Variants in TADA2B observed in about 807,000 individuals in gnomAD.
TADA2B encodes the protein transcriptional adapter 2-beta.
A neutral mutation model predicts 34.5 loss-of-function variants in TADA2B; 13 were observed. The ratio of observed to expected loss-of-function variants is 0.38; its 90% CI spans 0.25 to 0.60. The LOEUF (loss-of-function observed/expected upper bound fraction) is 0.60, where lower values mean the gene tolerates loss of function less well. Among genes scored for constraint, TADA2B ranks in the 20% least tolerant of loss-of-function variants. TADA2B has a pLI of 0.65. For missense variants in TADA2B, 442 were observed against 575.0 expected, an observed-to-expected ratio of 0.77 and a Z score of 2.37; for synonymous variants, 240 against 243.4, an observed-to-expected ratio of 0.99 and a Z score of 0.13.
chr4:7,044,475 C>T (rs1323675572), intron 1 of TADA2B, among the ~76,000 whole-genome samples: 6 of 152,158 alleles, frequency 3.9e-5, no homozygotes, highest in Admixed American at 2.6e-4. Context: ...GGGTTTTGCT[C>T]TCTTTACCTT....
At chr4:7,046,634 G>A (rs1171419809) in intron 1 of TADA2B, among the ~76,000 whole-genome samples, 2 of 152,216 alleles carry the variant, frequency 1.3e-5, no homozygotes, top group Non-Finnish European at 1.5e-5. Flanking sequence ...AGTGGCAGAA[G>A]GGCTTGACCT....
In TADA2B at chr4:7,055,167, C is replaced by T. The variant is rs1169132100; in HGVS notation, c.*113C>T. On this transcript the variant is annotated 3_prime_UTR_variant, in exon 2 of 2. Coordinates refer to ENST00000310074, the MANE Select transcript of TADA2B (RefSeq NM_152293.3). ...GCTCTTTTTTAAACAAATTGAGTTC[C>T]TTTTTTTAAGATAGAAATTCTTTTC... 1 of 1,116,740 alleles carries T rather than the reference C, an allele frequency of 9.0e-7. No individual in the cohort carries two copies. Among genetic ancestry groups the T allele is most frequent in the Non-Finnish European group, 1.3e-6 (1 of 799,358 alleles). The allele number at this position is 1,116,740 out of a possible 1,614,324, so 69.2% of individuals were successfully genotyped here.
At position 7,055,093 on chromosome 4, in the gene TADA2B, G is replaced by A. The variant is rs1203414333; in HGVS notation, c.*39G>A. The A allele has an allele frequency of 1.3e-6, 2 of 1,547,982 alleles. No individual in the cohort carries two copies. Among genetic ancestry groups the A allele is most frequent in the Admixed American group, 2.0e-5 (1 of 49,112 alleles). On this transcript the variant is annotated 3_prime_UTR_variant, in exon 2 of 2. Transcript: ENST00000310074. The stretch of plus-strand genomic sequence containing the variant: ...TGAAAGCCAGGGTGATGCTCAGACA[G>A]TGTGCCAGCCAAAATGACTTGGGGG...
chr4:7,051,599 T>G (rs1409983672), intron 1 of TADA2B, among the ~76,000 whole-genome samples: 1 of 152,086 alleles, frequency 6.6e-6, no homozygotes, highest in Non-Finnish European at 1.5e-5. Flanking sequence ...TTTTTTTTTT[T>G]TTTTGGTTTT....
intron 1 of TADA2B, among the ~76,000 whole-genome samples, chr4:7,048,509 GGGTAGA>G (rs1206790213): frequency 1.3e-5 from 2 of 152,128 alleles, no homozygotes; most frequent in African/African-American, 4.8e-5. Context: ...AGAACCACTG[GGGTAGA>G]GTGGTAAGAC....
In TADA2B at chr4:7,054,456, T is replaced by C; in HGVS notation, c.665T>C (p.Ile222Thr). 1 of 1,613,404 alleles carries C rather than the reference T, an allele frequency of 6.2e-7. No individual in the cohort carries two copies. The highest frequency in any genetic ancestry group is 2.2e-5 in the East Asian group (1 of 44,836). Reference protein sequence around the residue: ...KLKERQRRKNIARDYNLVPAF... With the variant: ...KLKERQRRKNTARDYNLVPAF... ...AAAGAGAGACAGCGGCGGAAGAACATCGCCCGTGACTACAATCTGGTGCCA... is the reference window on the plus strand; with the variant it reads ...AAAGAGAGACAGCGGCGGAAGAACACCGCCCGTGACTACAATCTGGTGCCA... The change falls in exon 2 of 2, where the codon ATC becomes ACC. Residue 222 changes from isoleucine to threonine, a missense_variant. Physicochemically the swap from Ile to Thr is moderately conservative, Grantham distance 89. Transcript: ENST00000310074.
chr4:7,053,727 A>T, intron 1 of TADA2B: 2 of 252,968 alleles, frequency 7.9e-6, no homozygotes, highest in Non-Finnish European at 1.5e-5. Flanking sequence ...CTCTGGTCGC[A>T]GGTGGGGAAT....
At position 7,057,531 on chromosome 4, in the gene TADA2B, G is replaced by C. The variant is rs569959747; in HGVS notation, c.*2477G>C. The C allele has an allele frequency of 2.0e-5, 3 of 152,390 alleles. No homozygotes were observed. Among genetic ancestry groups the C allele is most frequent in the African/African-American group, 4.8e-5 (2 of 41,584 alleles). 9.4% of individuals were successfully genotyped at this position (152,390 alleles called of 1,614,324 possible). A position where few individuals can be genotyped will look rare whatever the true frequency, so the allele number is the denominator to read the frequency against. ...AGTCCGGGCGCAGTGGCTCACGCCT[G>C]TAATCCCAGCACTTTGGGAGGCCAA... On this transcript the variant is annotated 3_prime_UTR_variant, in exon 2 of 2. Transcript: ENST00000310074.
At chr4:7,050,896 T>C (rs1486627957) in intron 1 of TADA2B, among the ~76,000 whole-genome samples, 1 of 152,162 alleles carries the variant, frequency 6.6e-6, no homozygotes, top group Non-Finnish European at 1.5e-5. Context: ...GGGTGTATGC[T>C]CCCAGCCACA....
intron 1 of TADA2B, among the ~76,000 whole-genome samples, chr4:7,044,437 G>A (rs1723570485): frequency 6.6e-6 from 1 of 152,212 alleles, no homozygotes; most frequent in Non-Finnish European, 1.5e-5. Context: ...AATGAACAAA[G>A]AGGCCTGGCC....
At chr4:7,044,010 C>A (rs1723553928) in intron 1 of TADA2B, among the ~76,000 whole-genome samples, 161 bp downstream of exon 1, 1 of 152,270 alleles carries the variant, frequency 6.6e-6, no homozygotes, top group African/African-American at 2.4e-5. Flanking sequence ...TAGTCGGGCA[C>A]CTGTCGGAAC....
In TADA2B at chr4:7,057,220, G is replaced by C. The variant is rs1472182534; in HGVS notation, c.*2166G>C. 1 of 152,246 alleles carries C rather than the reference G, an allele frequency of 6.6e-6. No homozygotes were observed. The highest frequency in any genetic ancestry group is 1.5e-5 in the Non-Finnish European group (1 of 68,046). The allele number at this position is 152,246 out of a possible 1,614,324, so 9.4% of individuals were successfully genotyped here. A position where few individuals can be genotyped will look rare whatever the true frequency, so the allele number is the denominator to read the frequency against. On this transcript the variant is annotated 3_prime_UTR_variant, in exon 2 of 2. Coordinates refer to ENST00000310074, the MANE Select transcript of TADA2B (RefSeq NM_152293.3). Reference sequence around the variant, plus strand: ...AGAGCTGTCAAATGAAAAACTTTGTGCTGAAGCAGGTTTTTAGTATGTATA... The same window carrying C: ...AGAGCTGTCAAATGAAAAACTTTGTCCTGAAGCAGGTTTTTAGTATGTATA...
chr4:7,054,259 C>G lies in TADA2B; in HGVS notation c.468C>G (p.Ile156Met). Residue 156 changes from isoleucine to methionine, a missense_variant, in exon 2 of 2, where the codon ATC becomes ATG. Around this residue, in one of 4 missense-constraint regions of TADA2B, gnomAD observed 222 missense variants for 235.2 expected, o/e 0.94. Transcript: ENST00000310074. ...CCACCCCGCTGCCCCCGCTGGACAT[C>G]TCTGTGGCTGAGCAGCAGCAGCTGG... ...SLTTPLPPLDISVAEQQQLGY... is the reference protein window; with the variant it reads ...SLTTPLPPLDMSVAEQQQLGY... The G allele has an allele frequency of 6.2e-7, 1 of 1,612,164 alleles. No individual in the cohort carries two copies. The highest frequency in any genetic ancestry group is 8.5e-7 in the Non-Finnish European group (1 of 1,179,268).
intron 1 of TADA2B, among the ~76,000 whole-genome samples, chr4:7,051,605 GT>G (rs1723771282): frequency 6.8e-6 from 1 of 147,030 alleles, no homozygotes; most frequent in Non-Finnish European, 1.5e-5. Flanking sequence ...TTTTTTTTTG[GT>G]TTTGTTTTTG....
At chr4:7,044,133 GC>G (rs1420667301) in intron 1 of TADA2B, among the ~76,000 whole-genome samples, 2 of 152,248 alleles carry the variant, frequency 1.3e-5, no homozygotes, top group Non-Finnish European at 2.9e-5. Context: ...CTTCAGGGAC[GC>G]CTTCACAGGC....
rs978946178 is a variant in TADA2B at position 7,055,816 on chromosome 4, CGTCCCCACGAAT to C, written c.*764_*775del. On this transcript the variant is annotated 3_prime_UTR_variant, in exon 2 of 2. Transcript: ENST00000310074. ...CTTGGGCAGGCTCCCATAGTGACCA[CGTCCCCACGAAT>C]GGGAAAGCACGTTAGTGGGAGGGAC... 6.6e-6 allele frequency: 1 copy of C among 152,246 alleles called. No individual in the cohort carries two copies. The highest frequency in any genetic ancestry group is 2.4e-5 in the African/African-American group (1 of 41,458). The allele number at this position is 152,246 out of a possible 1,614,324, so 9.4% of individuals were successfully genotyped here. A position where few individuals can be genotyped will look rare whatever the true frequency, so the allele number is the denominator to read the frequency against.
At position 7,056,359 on chromosome 4, in the gene TADA2B, C is replaced by G. The variant is rs541756008; in HGVS notation, c.*1305C>G. The stretch of plus-strand genomic sequence containing the variant: ...TCCAGCTGCTCAGGGTTCTCTGGTC[C>G]AAGACCCTGCTTTAAAGAGAGTCTT... On this transcript the variant is annotated 3_prime_UTR_variant, in exon 2 of 2. Transcript: ENST00000310074. 1.4e-3 allele frequency: 210 copies of G among 152,726 alleles called. No individual in the cohort carries two copies. Among genetic ancestry groups the G allele is most frequent in the African/African-American group, 4.9e-3 (205 of 41,560 alleles). The allele number at this position is 152,726 out of a possible 1,614,324, so 9.5% of individuals were successfully genotyped here.
intron 1 of TADA2B, chr4:7,052,868 G>A (rs1464884142): frequency 6.6e-6 from 1 of 152,308 alleles, no homozygotes; most frequent in Non-Finnish European, 1.5e-5. Context: ...GCCTTCTGTA[G>A]TCAGAGTCCT....
At chr4:7,046,659 T>G (rs1424183408) in intron 1 of TADA2B, among the ~76,000 whole-genome samples, 1 of 152,090 alleles carries the variant, frequency 6.6e-6, no homozygotes, top group South Asian at 2.1e-4. Flanking sequence ...CACTGGAGAT[T>G]AGTGTGGAGG....
Sources: gnomAD v4.1 joint callset for allele counts (sites outside exome capture counted in the v4.1 genomes callset) on GRCh38, gnomAD v4.1.1 for gene constraint, gnomAD v4.1.1 regional missense constraint, MANE v1.5 for transcripts, NCBI Gene and HGNC (gene_info 2026-07-23, HGNC 2026-07-21) for gene names.